Variants in INVS observed in about 807,000 individuals in gnomAD.
INVS encodes the protein inversin, also known as inversion of embryo turning homolog.
In INVS, 86 loss-of-function variants were observed where a neutral mutation model predicts 108.8. The ratio of observed to expected loss-of-function variants is 0.79; its 90% CI spans 0.66 to 0.95. INVS has a LOEUF of 0.95. Ranked by LOEUF, INVS falls within the 40% of genes least tolerant of loss-of-function variation. INVS has a pLI of 0.00. For synonymous variants in INVS, 455 were observed against 473.5 expected (o/e 0.96, Z 0.51); for missense variants, 1,169 against 1,297.4 (o/e 0.90, Z 1.52).
At chr9:100,163,524 T>C (rs77830938) in intron 3 of INVS, among the ~76,000 whole-genome samples, 1 of 152,134 alleles carries the variant, frequency 6.6e-6, no homozygotes, top group Non-Finnish European at 1.5e-5. Context: ...TCTTACATTT[T>C]GTTGGTGGGA....
intron 3 of INVS, among the ~76,000 whole-genome samples, chr9:100,146,033 C>G (rs1403076911): frequency 6.6e-6 from 1 of 152,134 alleles, no homozygotes; most frequent in African/African-American, 2.4e-5. Context: ...GTAGGTGGAT[C>G]TTTTTCACGG....
chr9:100,121,768 T>C lies in INVS; in HGVS notation c.107-4615T>C, dbSNP rs931561399. On this transcript the variant is annotated intron_variant, in intron 2 of 16. Transcript: ENST00000262457. ...TTGGGTTAAATTTGCTCTTCTGTTT[T>C]AGTGTTCTAAGGTAGAAGCATAGAT... is the stretch of plus-strand genomic sequence containing the variant. 3.9e-5 allele frequency among the ~76,000 whole-genome samples: 6 copies of C among 152,200 alleles called. No individual in the cohort carries two copies. In the East Asian group the frequency reaches 1.2e-3, roughly 29 times the overall value.
chr9:100,169,943 A>C (rs1829485189), intron 3 of INVS, among the ~76,000 whole-genome samples: 2 of 152,178 alleles, frequency 1.3e-5, no homozygotes, highest in Non-Finnish European at 1.5e-5. Context: ...TCAAACCCTG[A>C]GGTCCATACT....
At chr9:100,298,139 TG>T in intron 16 of INVS, 129 bp downstream of exon 16, 1 of 1,557,580 alleles carries the variant, frequency 6.4e-7, no homozygotes, top group Non-Finnish European at 8.7e-7. Context: ...TTTGATTTCA[TG>T]GGATTATTAC....
At chr9:100,272,774 C>T (rs971840525) in intron 11 of INVS, 90 bp from the exon 12 acceptor site, 1 of 1,206,366 alleles carries the variant, frequency 8.3e-7, no homozygotes, top group Non-Finnish European at 1.2e-6. Context: ...AATGAAGTTT[C>T]CTTCTGCTGC....
At chr9:100,272,841 A>G in intron 11 of INVS, 23 bp from the exon 12 acceptor site, 2 of 1,601,844 alleles carry the variant, frequency 1.2e-6, no homozygotes, top group Non-Finnish European at 8.6e-7. Flanking sequence ...TTAAAAAAAA[A>G]AGAAATCTTC....
chr9:100,111,186 C>G (rs1030044932), intron 2 of INVS, among the ~76,000 whole-genome samples: 8 of 152,162 alleles, frequency 5.3e-5, no homozygotes, highest in Non-Finnish European at 1.2e-4. Flanking sequence ...GGATGCCATG[C>G]AAATATAACA....
intron 1 of INVS, among the ~76,000 whole-genome samples, chr9:100,100,889 T>C (rs1264552883): frequency 1.7e-5 from 1 of 57,326 alleles, no homozygotes. Flanking sequence ...GTATATATAA[T>C]ATATATTATA....
At chr9:100,160,510 T>A (rs1439553860) in intron 3 of INVS, among the ~76,000 whole-genome samples, 1 of 152,184 alleles carries the variant, frequency 6.6e-6, no homozygotes, top group Non-Finnish European at 1.5e-5. Flanking sequence ...ATAGAGTCCC[T>A]TCCTGCATTT....
rs374723308 is a variant in INVS, at chr9:100,260,039, T to G, written c.1465-4783T>G. On this transcript the variant is annotated intron_variant, in intron 10 of 16. Coordinates refer to ENST00000262457, the MANE Select transcript of INVS (RefSeq NM_014425.5). Reference sequence around the variant, plus strand: ...GGCGCACACCACCATGCCCAGCTAATTGTTGTATTTTTAGTAGAGATGGGG... The same window carrying G: ...GGCGCACACCACCATGCCCAGCTAAGTGTTGTATTTTTAGTAGAGATGGGG... Among the ~76,000 whole-genome samples the G allele has an allele frequency of 1.0e-3, 157 of 150,844 alleles. 4 individuals are homozygous for G. The South Asian group carries it at 0.031, about 30-fold the overall frequency.
intron 3 of INVS, among the ~76,000 whole-genome samples, chr9:100,144,835 G>A (rs1480680279): frequency 6.6e-6 from 1 of 152,058 alleles, no homozygotes; most frequent in East Asian, 1.9e-4. Flanking sequence ...GCTTGGGGTT[G>A]GGACTGAGGG....
intron 16 of INVS, among the ~76,000 whole-genome samples, chr9:100,299,350 C>T (rs1833881577): frequency 6.6e-6 from 1 of 151,910 alleles, no homozygotes; most frequent in Non-Finnish European, 1.5e-5. Flanking sequence ...TTGGAGAACC[C>T]CCCACCCCCG....
intron 3 of INVS, among the ~76,000 whole-genome samples, chr9:100,210,835 G>A (rs1257459977): frequency 6.6e-6 from 1 of 151,620 alleles, no homozygotes; most frequent in South Asian, 2.1e-4. Context: ...ATCACCTACC[G>A]AAAATTTAAG....
chr9:100,224,919 C>CT (rs1831264427), intron 3 of INVS, among the ~76,000 whole-genome samples: 1 of 151,444 alleles, frequency 6.6e-6, no homozygotes, highest in Non-Finnish European at 1.5e-5. Context: ...CGGCCTGCTT[C>CT]TTTCTTGAGG....
chr9:100,104,877 G>A (rs1210555686), intron 2 of INVS, among the ~76,000 whole-genome samples: 1 of 152,086 alleles, frequency 6.6e-6, no homozygotes, highest in Non-Finnish European at 1.5e-5. Flanking sequence ...GATATTCTAA[G>A]GTACTAAGGG....
intron 2 of INVS, among the ~76,000 whole-genome samples, 199 bp from the exon 3 acceptor site, chr9:100,126,184 T>C (rs1411671284): frequency 6.6e-6 from 1 of 152,242 alleles, no homozygotes; most frequent in Non-Finnish European, 1.5e-5. Context: ...AGTGTGAACA[T>C]AGACTGGTTA....
At chr9:100,226,651 A>G (rs1250718001) in intron 4 of INVS, among the ~76,000 whole-genome samples, 1 of 152,032 alleles carries the variant, frequency 6.6e-6, no homozygotes, top group Non-Finnish European at 1.5e-5. Flanking sequence ...CATCTCTACT[A>G]AAACTACAAA....
intron 3 of INVS, among the ~76,000 whole-genome samples, chr9:100,165,532 T>G (rs150088489): frequency 1.3e-5 from 2 of 152,290 alleles, no homozygotes; most frequent in African/African-American, 4.8e-5. Flanking sequence ...GAATGCTTGA[T>G]TCTCCCTCTT....
chr9:100,138,879 G>A (rs373214764), intron 3 of INVS, among the ~76,000 whole-genome samples: 1 of 141,066 alleles, frequency 7.1e-6, no homozygotes, highest in Non-Finnish European at 1.5e-5. Context: ...GATAATTTTT[G>A]TATTTTTAGT....
Sources: gnomAD v4.1 joint callset for allele counts (sites outside exome capture counted in the v4.1 genomes callset) on GRCh38, gnomAD v4.1.1 for gene constraint, MANE v1.5 for transcripts, NCBI Gene and HGNC (gene_info 2026-07-23, HGNC 2026-07-21) for gene names.